CADPS2: variants seen among roughly 807,000 people sequenced by gnomAD.
The protein encoded by CADPS2 is calcium-dependent secretion activator 2.
CADPS2 carries 93 observed loss-of-function variants against 172.5 expected under a neutral mutation model. The ratio of observed to expected loss-of-function variants is 0.54; its 90% CI spans 0.46 to 0.64. The LOEUF is 0.64. Among genes scored for constraint, CADPS2 ranks in the 30% least tolerant of loss-of-function variants. CADPS2 has a pLI of 0.00. For missense variants in CADPS2, 1,420 were observed against 1,565.9 expected, an observed-to-expected ratio of 0.91 and a Z score of 1.57; for synonymous variants, 546 against 555.2, an observed-to-expected ratio of 0.98 and a Z score of 0.23.
chr7:122,389,945 A>G (rs758322740), intron 22 of CADPS2, among the ~76,000 whole-genome samples: 6 of 152,062 alleles, frequency 3.9e-5, no homozygotes, highest in Non-Finnish European at 7.4e-5. Flanking sequence ...CGCTAAATAT[A>G]TCTTTATGAG....
intron 27 of CADPS2, chr7:122,354,392 C>T (rs182870071): frequency 3.3e-5 from 5 of 152,096 alleles, no homozygotes; most frequent in Non-Finnish European, 7.4e-5. Context: ...AGGATTCAAC[C>T]GCCAGCAGTT....
intron 2 of CADPS2, chr7:122,698,462 C>T (rs79046186): frequency 1.9e-6 from 3 of 1,613,778 alleles, no homozygotes; most frequent in Non-Finnish European, 2.5e-6. Context: ...CCAATCATAA[C>T]CACAACGACA....
Position 122,775,274 on chromosome 7 carries a change from C to T in CADPS2, c.340-38206G>A, listed in dbSNP as rs539391522. Among the ~76,000 whole-genome samples, 231 of 152,272 alleles carry T rather than the reference C, an allele frequency of 1.5e-3. 2 individuals carry two copies. The highest frequency in any genetic ancestry group is 6.8e-3 in the Middle Eastern group (2 of 292). The stretch of plus-strand genomic sequence containing the variant: ...AAGATAACAAATTAGTCTGCCATAG[C>T]GTCATAGACGCTGACACAATTCATG... On this transcript the variant is annotated intron_variant, in intron 1 of 29. Coordinates refer to ENST00000449022, the MANE Select transcript of CADPS2 (RefSeq NM_017954.11).
intron 6 of CADPS2, among the ~76,000 whole-genome samples, chr7:122,589,184 T>C (rs2070310754): frequency 6.6e-6 from 1 of 151,974 alleles, no homozygotes; most frequent in Non-Finnish European, 1.5e-5. Flanking sequence ...GTATGTTTAA[T>C]AGATGTGTAA....
intron 14 of CADPS2, among the ~76,000 whole-genome samples, chr7:122,463,988 C>A (rs1007797182): frequency 2.0e-5 from 3 of 152,172 alleles, no homozygotes; most frequent in African/African-American, 7.2e-5. Flanking sequence ...CTCTGTCCAA[C>A]TGAGAGGGCC....
chr7:122,654,969 G>A (rs1008514441), intron 3 of CADPS2, among the ~76,000 whole-genome samples: 2 of 152,298 alleles, frequency 1.3e-5, no homozygotes, highest in Non-Finnish European at 2.9e-5. Flanking sequence ...ACGACTTTGA[G>A]GGATTCAAGA....
At chr7:122,873,636 T>C (rs1408855900) in intron 1 of CADPS2, among the ~76,000 whole-genome samples, 1 of 152,214 alleles carries the variant, frequency 6.6e-6, no homozygotes, top group Non-Finnish European at 1.5e-5. Flanking sequence ...AACGTACGTG[T>C]GCATGTGTCC....
At chr7:122,545,990 G>A (rs1015675263) in intron 8 of CADPS2, among the ~76,000 whole-genome samples, 1 of 151,976 alleles carries the variant, frequency 6.6e-6, no homozygotes, top group East Asian at 1.9e-4. Context: ...GTAACAAGCC[G>A]ATCTTTTTTT....
At chr7:122,703,194 C>T (rs1236040428) in intron 2 of CADPS2, among the ~76,000 whole-genome samples, 2 of 152,088 alleles carry the variant, frequency 1.3e-5, no homozygotes, top group African/African-American at 4.8e-5. Flanking sequence ...TCTGGAGAGA[C>T]TGAAAATCTA....
At chr7:122,384,621 T>G (rs2043405725) in intron 24 of CADPS2, among the ~76,000 whole-genome samples, 1 of 152,174 alleles carries the variant, frequency 6.6e-6, no homozygotes, top group African/African-American at 2.4e-5. Context: ...AATGAAATTC[T>G]TGTTTACCAC....
At chr7:122,554,780 A>G (rs2132015854) in intron 7 of CADPS2, 91 bp from the exon 8 acceptor site, 1 of 1,189,458 alleles carries the variant, frequency 8.4e-7, no homozygotes, top group Middle Eastern at 2.5e-4. Flanking sequence ...CCTGTTTGAA[A>G]AAATGATGTC....
At chr7:122,500,682 T>C (rs957514046) in intron 9 of CADPS2, among the ~76,000 whole-genome samples, 1 of 152,020 alleles carries the variant, frequency 6.6e-6, no homozygotes, top group Non-Finnish European at 1.5e-5. Flanking sequence ...GCCATCAAAA[T>C]ACCAAGGAAA....
At chr7:122,469,514 C>T (rs1459335573) in intron 14 of CADPS2, among the ~76,000 whole-genome samples, 2 of 152,108 alleles carry the variant, frequency 1.3e-5, no homozygotes, top group African/African-American at 4.8e-5. Context: ...CTGTACCCCC[C>T]CATTTTCTAA....
intron 27 of CADPS2, chr7:122,354,324 T>C (rs1030351224): frequency 1.3e-5 from 2 of 152,140 alleles, no homozygotes; most frequent in African/African-American, 4.8e-5. Flanking sequence ...ATCTCCATTT[T>C]ACAGAAGAAG....
At chr7:122,619,072 C>T (rs1286098074) in intron 5 of CADPS2, among the ~76,000 whole-genome samples, 2 of 152,244 alleles carry the variant, frequency 1.3e-5, no homozygotes, top group East Asian at 3.9e-4. Flanking sequence ...CAACAGCCCT[C>T]CTAAACATAT....
At chr7:122,585,387 A>T (rs1411792378) in intron 6 of CADPS2, 1 of 151,490 alleles carries the variant, frequency 6.6e-6, no homozygotes, top group Non-Finnish European at 1.5e-5. Flanking sequence ...TTGAAAAGAC[A>T]CAGTTAGAAA....
chr7:122,525,040 G>A (rs942284916), intron 8 of CADPS2, among the ~76,000 whole-genome samples: 1 of 151,992 alleles, frequency 6.6e-6, no homozygotes, highest in Non-Finnish European at 1.5e-5. Context: ...TCAGGAGGCT[G>A]AGGTGGGAGG....
Position 122,820,542 on chromosome 7 carries a change from G to GTTTTTT in CADPS2, c.339+65451_339+65456dup, listed in dbSNP as rs1286462243. On this transcript the variant is annotated intron_variant, in intron 1 of 29. Coordinates refer to ENST00000449022, the MANE Select transcript of CADPS2 (RefSeq NM_017954.11). ...TCTGTCCAAACAACTTGACCTTACTGTTTTTTGTTTTTTGTTTTTTTTTTT... is the reference window on the plus strand; with the variant it reads ...TCTGTCCAAACAACTTGACCTTACTGTTTTTTTTTTTTGTTTTTTGTTTTTTTTTTT... Among the ~76,000 whole-genome samples, 100 of 117,774 alleles carry GTTTTTT rather than the reference G, an allele frequency of 8.5e-4. 5 individuals are homozygous for GTTTTTT. The highest frequency in any genetic ancestry group is 3.6e-3 in the African/African-American group (99 of 27,574). 77.3% of individuals were successfully genotyped at this position (117,774 alleles called of 152,430 possible).
chr7:122,457,533 A>T (rs1437436107), intron 14 of CADPS2, among the ~76,000 whole-genome samples: 1 of 152,166 alleles, frequency 6.6e-6, no homozygotes, highest in Non-Finnish European at 1.5e-5. Flanking sequence ...CAAATTACGC[A>T]ACCCTTTTGG....
Sources: gnomAD v4.1 joint callset for allele counts (sites outside exome capture counted in the v4.1 genomes callset) on GRCh38, gnomAD v4.1.1 for gene constraint, MANE v1.5 for transcripts, NCBI Gene and HGNC (gene_info 2026-07-23, HGNC 2026-07-21) for gene names.